The following TNIK variants were observed in gnomAD, a reference collection of about 807,000 sequenced individuals.
TNIK encodes the protein TRAF2 and NCK-interacting protein kinase.
A neutral mutation model predicts 191.3 loss-of-function variants in TNIK; 49 were observed. That is an observed-to-expected ratio of 0.26 (90% confidence interval 0.20 to 0.32). TNIK has a LOEUF of 0.32. TNIK is among the 10% of genes least tolerant of loss of function. The pLI is 1.00. For synonymous variants in TNIK, 594 were observed against 600.9 expected (o/e 0.99, Z 0.17); for missense variants, 1,155 against 1,702.3 (o/e 0.68, Z 5.66).
chr3:171,236,731 C>T (rs1009498710), intron 2 of TNIK, among the ~76,000 whole-genome samples: 3 of 152,152 alleles, frequency 2.0e-5, no homozygotes, highest in African/African-American at 7.2e-5. Context: ...TCTGTCTTTC[C>T]CCTCAGGACC....
intron 1 of TNIK, among the ~76,000 whole-genome samples, chr3:171,380,373 CA>C (rs372244976): frequency 6.6e-6 from 1 of 152,110 alleles, no homozygotes; most frequent in African/African-American, 2.4e-5. Flanking sequence ...GATTTAAAGA[CA>C]AGAGCTGGTT....
chr3:171,323,111 G>A (rs1000617459), intron 2 of TNIK, among the ~76,000 whole-genome samples: 1 of 152,132 alleles, frequency 6.6e-6, no homozygotes, highest in African/African-American at 2.4e-5. Flanking sequence ...TACAAGAGCG[G>A]TAGTTGATTA....
At chr3:171,266,468 T>TC (rs1748417740) in intron 2 of TNIK, among the ~76,000 whole-genome samples, 1 of 152,184 alleles carries the variant, frequency 6.6e-6, no homozygotes, top group Non-Finnish European at 1.5e-5. Flanking sequence ...GAATGACTCT[T>TC]CCTTAGGTTG....
chr3:171,179,685 C>T (rs770544736), intron 7 of TNIK, among the ~76,000 whole-genome samples: 5 of 152,066 alleles, frequency 3.3e-5, no homozygotes, highest in Non-Finnish European at 7.4e-5. Context: ...CTCCTGACCT[C>T]GTGATCCACC....
chr3:171,275,539 G>T (rs1749626256), intron 2 of TNIK, among the ~76,000 whole-genome samples: 2 of 152,174 alleles, frequency 1.3e-5, no homozygotes, highest in South Asian at 4.2e-4. Context: ...TAAATAGAAG[G>T]ATGAATCAGA....
chr3:171,253,492 C>T (rs1183578486), intron 2 of TNIK, among the ~76,000 whole-genome samples: 2 of 151,726 alleles, frequency 1.3e-5, no homozygotes, highest in Admixed American at 1.3e-4. Context: ...TCCTCTGCCT[C>T]CCAACCCTCC....
intron 17 of TNIK, among the ~76,000 whole-genome samples, chr3:171,125,184 A>G (rs977787315): frequency 6.6e-6 from 1 of 152,232 alleles, no homozygotes; most frequent in Non-Finnish European, 1.5e-5. Flanking sequence ...TTCCTGAGCC[A>G]GGAAGAATCC....
At chr3:171,375,464 G>A (rs1717084450) in intron 1 of TNIK, among the ~76,000 whole-genome samples, 1 of 152,168 alleles carries the variant, frequency 6.6e-6, no homozygotes, top group Non-Finnish European at 1.5e-5. Flanking sequence ...TTAAAAATTA[G>A]TTAGACAATT....
chr3:171,214,029 T>C (rs1741171092), intron 3 of TNIK, among the ~76,000 whole-genome samples: 1 of 152,160 alleles, frequency 6.6e-6, no homozygotes. Context: ...TAAATTGCAC[T>C]GTTTCCAAAC....
chr3:171,210,970 CCCTGAA>C, intron 4 of TNIK, 140 bp downstream of exon 4: 1 of 1,028,732 alleles, frequency 9.7e-7, no homozygotes. Context: ...TGGGAGAAAA[CCCTGAA>C]AACAATATGT....
At chr3:171,290,528 C>A (rs767312445) in intron 2 of TNIK, among the ~76,000 whole-genome samples, 1 of 152,160 alleles carries the variant, frequency 6.6e-6, no homozygotes, top group Admixed American at 6.5e-5. Context: ...TATTATATGT[C>A]AAAATGAATT....
chr3:171,417,982 T>C (rs1363295326), intron 1 of TNIK, among the ~76,000 whole-genome samples: 1 of 152,102 alleles, frequency 6.6e-6, no homozygotes, highest in Non-Finnish European at 1.5e-5. Flanking sequence ...CAGTGGAAAA[T>C]ACTGCCTGAG....
intron 19 of TNIK, 55 bp downstream of exon 19, chr3:171,110,659 T>C: frequency 6.6e-7 from 1 of 1,515,076 alleles, no homozygotes; most frequent in South Asian, 1.3e-5. Flanking sequence ...TTTTTCCCTG[T>C]CCACAGCTTT....
intron 2 of TNIK, among the ~76,000 whole-genome samples, chr3:171,325,099 AAAATAAAT>A (rs375566849): frequency 6.6e-6 from 1 of 151,154 alleles, no homozygotes; most frequent in Non-Finnish European, 1.5e-5. Flanking sequence ...AGACTGTCTC[AAAATAAAT>A]AAATAAATAA....
At chr3:171,127,092 G>T (rs956961396) in intron 16 of TNIK, among the ~76,000 whole-genome samples, 1 of 152,164 alleles carries the variant, frequency 6.6e-6, no homozygotes, top group African/African-American at 2.4e-5. Flanking sequence ...TCTGTGCCTG[G>T]CATGGGGAAG....
At chr3:171,095,917 AT>A (rs1287290075) in intron 22 of TNIK, among the ~76,000 whole-genome samples, 16 of 152,328 alleles carry the variant, frequency 1.1e-4, no homozygotes, top group African/African-American at 3.6e-4. Flanking sequence ...GGAAAAAAAA[AT>A]TGAATTCCTG....
rs367855366 is a variant in TNIK, at chr3:171,373,320, T to A, written c.58-3635A>T. On this transcript the variant is annotated intron_variant, in intron 1 of 32. Coordinates refer to ENST00000436636, the MANE Select transcript of TNIK (RefSeq NM_015028.4). ...TATATCCCTCCACCATCTTCTATCATACCTCTTAGTCTCTCTCACAGATTC... is the reference window on the plus strand; with the variant it reads ...TATATCCCTCCACCATCTTCTATCAAACCTCTTAGTCTCTCTCACAGATTC... Among the ~76,000 whole-genome samples, 3 of 152,202 alleles carry A rather than the reference T, an allele frequency of 2.0e-5. No homozygotes were observed. The East Asian group carries it at 5.8e-4, about 29-fold the overall frequency.
At chr3:171,199,037 T>C (rs895066863) in intron 4 of TNIK, among the ~76,000 whole-genome samples, 3 of 152,200 alleles carry the variant, frequency 2.0e-5, no homozygotes, top group Admixed American at 1.3e-4. Flanking sequence ...CAAAATTAGA[T>C]TGGACAACAT....
chr3:171,124,735 A>G (rs895390593), intron 17 of TNIK, among the ~76,000 whole-genome samples: 1 of 152,192 alleles, frequency 6.6e-6, no homozygotes, highest in Admixed American at 6.5e-5. Flanking sequence ...ATAAATGTAC[A>G]TAGTTGTAGA....
Sources: allele counts gnomAD v4.1 joint callset (sites outside exome capture counted in the v4.1 genomes callset), GRCh38; gene constraint gnomAD v4.1.1; transcripts MANE v1.5; gene names NCBI Gene and HGNC (gene_info 2026-07-23, HGNC 2026-07-21).